Variants in MSH4 observed in about 807,000 individuals in gnomAD.
MSH4 encodes mutS homolog 4.
A neutral mutation model predicts 113.7 loss-of-function variants in MSH4; 106 were observed. That is an observed-to-expected ratio of 0.93 (90% CI 0.80 to 1.10). The LOEUF (loss-of-function observed/expected upper bound fraction) is 1.10, where lower values mean the gene tolerates loss of function less well. MSH4 is among the 50% of genes least tolerant of loss of function. The probability of loss-of-function intolerance (pLI) is 0.00; values close to 1 mark genes in which losing one functional copy is unlikely to be tolerated. For synonymous variants in MSH4, 368 were observed against 380.2 expected, an observed-to-expected ratio of 0.97 and a Z score of 0.37; for missense variants, 1,061 against 1,093.7, an observed-to-expected ratio of 0.97 and a Z score of 0.42.
At chr1:75,870,997 A>G (rs1416574851) in intron 9 of MSH4, among the ~76,000 whole-genome samples, 1 of 152,230 alleles carries the variant, frequency 6.6e-6, no homozygotes, top group Non-Finnish European at 1.5e-5. Flanking sequence ...GTCTGTTTTC[A>G]TACTGCTATA....
intron 7 of MSH4, among the ~76,000 whole-genome samples, chr1:75,842,143 C>T (rs1397405843): frequency 6.6e-6 from 1 of 152,180 alleles, no homozygotes; most frequent in Non-Finnish European, 1.5e-5. Context: ...GGCGGTGGGA[C>T]TTCCAGACTG....
chr1:75,838,630 T>C (rs1650885304), intron 7 of MSH4, among the ~76,000 whole-genome samples: 1 of 152,228 alleles, frequency 6.6e-6, no homozygotes, highest in African/African-American at 2.4e-5. Context: ...TGTTTTCCTG[T>C]AATCTCCCAC....
chr1:75,817,833 C>T (rs1490471950), intron 6 of MSH4, among the ~76,000 whole-genome samples: 4 of 152,018 alleles, frequency 2.6e-5, no homozygotes, highest in Non-Finnish European at 4.4e-5. Flanking sequence ...GACACCCCCC[C>T]TCCCCCTAGC....
At position 75,815,047 on chromosome 1, in the gene MSH4, GA is replaced by G; in HGVS notation, c.729del (p.Lys243AsnfsTer9). ...ATGTTAATTTCACTACTATCCAAAG[GA>G]AATACTTCAATGAAACAAAAGGATT... ...KNVNFTTIQR[K>X]YFNETKGLEY... On this transcript the variant is annotated frameshift_variant, in exon 5 of 20. Coordinates refer to ENST00000263187, the MANE Select transcript of MSH4 (RefSeq NM_002440.4). LOFTEE classifies it high-confidence loss of function. 6.3e-7 allele frequency: 1 copy of G among 1,598,066 alleles called. No individual in the cohort carries two copies. Among genetic ancestry groups the G allele is most frequent in the Non-Finnish European group, 8.5e-7 (1 of 1,169,884 alleles).
At chr1:75,898,148 C>A in intron 18 of MSH4, 67 bp downstream of exon 18, 2 of 1,067,688 alleles carry the variant, frequency 1.9e-6, no homozygotes, top group Non-Finnish European at 1.3e-6. Flanking sequence ...AAACTTTCAT[C>A]TCTTCTTTAC....
chr1:75,833,280 A>C (rs34212040), intron 7 of MSH4, among the ~76,000 whole-genome samples: 2 of 152,200 alleles, frequency 1.3e-5, no homozygotes, highest in Non-Finnish European at 1.5e-5. Flanking sequence ...TCAACGAAAT[A>C]AAAGAGGACA....
At chr1:75,797,356 G>C (rs1649840141) in intron 1 of MSH4, 127 bp downstream of exon 1, 1 of 1,307,696 alleles carries the variant, frequency 7.6e-7, no homozygotes, top group African/African-American at 1.5e-5. Context: ...AGATCTGAGT[G>C]CCCTGGGAAT....
intron 9 of MSH4, among the ~76,000 whole-genome samples, chr1:75,875,333 C>T (rs1022034640): frequency 6.6e-6 from 1 of 152,118 alleles, no homozygotes; most frequent in African/African-American, 2.4e-5. Context: ...GCAGAAAAAA[C>T]GCCTACAGAT....
At chr1:75,814,828 G>A (rs541232655) in intron 4 of MSH4, among the ~76,000 whole-genome samples, 193 bp from the exon 5 acceptor site, 7 of 152,116 alleles carry the variant, frequency 4.6e-5, no homozygotes, top group African/African-American at 1.7e-4. Flanking sequence ...TCTAATAAGA[G>A]ATACAAACTA....
chr1:75,827,835 A>T (rs753207036), intron 7 of MSH4, among the ~76,000 whole-genome samples: 2 of 152,206 alleles, frequency 1.3e-5, no homozygotes, highest in African/African-American at 2.4e-5. Flanking sequence ...CACCCAATAC[A>T]GGAGCACCCA....
At chr1:75,822,191 A>C (rs1189240097) in intron 6 of MSH4, among the ~76,000 whole-genome samples, 1 of 150,154 alleles carries the variant, frequency 6.7e-6, no homozygotes, top group Admixed American at 6.7e-5. Context: ...CAGGAAGCTG[A>C]GGCAGGAGAA....
At chr1:75,877,062 A>T in intron 10 of MSH4, 62 bp downstream of exon 10, 1 of 1,113,176 alleles carries the variant, frequency 9.0e-7, no homozygotes, top group Non-Finnish European at 1.3e-6. Context: ...ATCATAACTG[A>T]TTTTAAAGAC....
intron 1 of MSH4, among the ~76,000 whole-genome samples, chr1:75,802,246 G>A (rs891566903): frequency 4.6e-5 from 7 of 152,170 alleles, no homozygotes; most frequent in African/African-American, 1.7e-4. Context: ...ATATACGAAG[G>A]CTTGAGAGTT....
chr1:75,833,792 A>G (rs1265370225), intron 7 of MSH4, among the ~76,000 whole-genome samples: 1 of 152,258 alleles, frequency 6.6e-6, no homozygotes, highest in Non-Finnish European at 1.5e-5. Flanking sequence ...TTCAACATGG[A>G]TTAAAGACGC....
At chr1:75,867,835 A>G (rs1651621918) in intron 9 of MSH4, among the ~76,000 whole-genome samples, 1 of 152,072 alleles carries the variant, frequency 6.6e-6, no homozygotes, top group Admixed American at 6.6e-5. Context: ...AAGTCTCCCA[A>G]CAAAAAGATG....
chr1:75,807,562 G>A (rs1650095714), intron 3 of MSH4, among the ~76,000 whole-genome samples: 1 of 152,128 alleles, frequency 6.6e-6, no homozygotes, highest in South Asian at 2.1e-4. Flanking sequence ...TCTAGGGAAG[G>A]GATTAATGCG....
intron 7 of MSH4, among the ~76,000 whole-genome samples, chr1:75,832,966 A>G (rs1471178972): frequency 1.3e-5 from 2 of 152,210 alleles, no homozygotes; most frequent in African/African-American, 2.4e-5. Context: ...AATAAAGGGT[A>G]TTCAATTAGG....
At chr1:75,898,155 T>A in intron 18 of MSH4, 74 bp downstream of exon 18, 1 of 1,036,254 alleles carries the variant, frequency 9.7e-7, no homozygotes. Context: ...CATCTCTTCT[T>A]TACTTGGCTG....
At chr1:75,822,082 C>A (rs990679235) in intron 6 of MSH4, among the ~76,000 whole-genome samples, 1 of 151,964 alleles carries the variant, frequency 6.6e-6, no homozygotes, top group Non-Finnish European at 1.5e-5. Flanking sequence ...GAGATGGAGA[C>A]CATCCTGGCT....
Sources: allele counts gnomAD v4.1 joint callset (sites outside exome capture counted in the v4.1 genomes callset), GRCh38; gene constraint gnomAD v4.1.1; transcripts MANE v1.5; gene names NCBI Gene and HGNC (gene_info 2026-07-23, HGNC 2026-07-21).